TMCC1: variants seen among roughly 807,000 people sequenced by gnomAD.
TMCC1 encodes the protein transmembrane and coiled-coil domains protein 1.
A neutral mutation model predicts 52.4 loss-of-function variants in TMCC1; 15 were observed. The ratio of observed to expected loss-of-function variants is 0.29; its 90% CI spans 0.19 to 0.44. TMCC1 has a LOEUF of 0.44. TMCC1 is among the 20% of genes least tolerant of loss of function. The pLI is 1.00. For missense variants in TMCC1, 503 were observed against 806.0 expected (o/e 0.62, Z 4.55); for synonymous variants, 279 against 301.9 (o/e 0.92, Z 0.79).
chr3:129,669,419 T>A (rs988633670), intron 5 of TMCC1, among the ~76,000 whole-genome samples: 12 of 152,048 alleles, frequency 7.9e-5, no homozygotes, highest in Admixed American at 2.0e-4. Flanking sequence ...AAAGTTTGGA[T>A]GTATCCTTAG....
chr3:129,729,118 G>T (rs2050343828), intron 4 of TMCC1, among the ~76,000 whole-genome samples: 1 of 151,744 alleles, frequency 6.6e-6, no homozygotes, highest in African/African-American at 2.4e-5. Flanking sequence ...TTCAGAGTAT[G>T]TTTAACTTAA....
rs1212006786 is a variant in TMCC1 at position 129,651,135 on chromosome 3, T to C, written c.*346A>G. On this transcript the variant is annotated 3_prime_UTR_variant, in exon 7 of 7. Transcript: ENST00000393238. The surrounding 1 kb of genome is among the most constrained non-coding windows in gnomAD (Gnocchi z 5.1). ...TTTGCCCTCATCAGGTTTTCGCATC[T>C]TTTTAGTGGGTTTTAGTGCAGTCCT... The C allele has an allele frequency of 4.6e-6, 1 of 218,670 alleles. No homozygotes were observed. Among genetic ancestry groups the C allele is most frequent in the East Asian group, 1.1e-4 (1 of 9,308 alleles). 13.5% of individuals were successfully genotyped at this position (218,670 alleles called of 1,614,324 possible).
intron 4 of TMCC1, among the ~76,000 whole-genome samples, chr3:129,824,996 A>G (rs1216533489): frequency 6.6e-6 from 1 of 152,198 alleles, no homozygotes; most frequent in East Asian, 1.9e-4. Context: ...ATCACTATTT[A>G]ATAGTCACTG....
chr3:129,890,183 G>C (rs923096901), intron 1 of TMCC1, among the ~76,000 whole-genome samples: 1 of 152,154 alleles, frequency 6.6e-6, no homozygotes, highest in Non-Finnish European at 1.5e-5. Flanking sequence ...TTAAATAGGA[G>C]ACATAATAGC....
rs148346765 is a variant in TMCC1 at position 129,757,305 on chromosome 3, T to C, written c.576+70498A>G. On this transcript the variant is annotated intron_variant, in intron 4 of 6. Coordinates refer to ENST00000393238, the MANE Select transcript of TMCC1 (RefSeq NM_001017395.5). ...TCTCTCTTACTCCCCTATCCTCTGG[T>C]TGAGCTCCCTGCCACCTCCAGTCTT... is the stretch of plus-strand genomic sequence containing the variant. Among the ~76,000 whole-genome samples, 60 of 152,220 alleles carry C rather than the reference T, an allele frequency of 3.9e-4. No homozygotes were observed. In the Middle Eastern group the frequency reaches 0.014, roughly 35 times the overall value.
chr3:129,679,663 C>T (rs748193456), intron 4 of TMCC1, among the ~76,000 whole-genome samples: 4 of 152,040 alleles, frequency 2.6e-5, no homozygotes, highest in Non-Finnish European at 4.4e-5. Context: ...TCTTTCTTGA[C>T]TTCATTTTTC....
chr3:129,745,329 C>T (rs986233159), intron 4 of TMCC1, among the ~76,000 whole-genome samples: 7 of 152,252 alleles, frequency 4.6e-5, no homozygotes, highest in African/African-American at 1.7e-4. Context: ...TGTACACCTT[C>T]TCTTGTGAGC....
chr3:129,717,634 G>A (rs763426775), intron 4 of TMCC1, among the ~76,000 whole-genome samples: 99 of 152,316 alleles, frequency 6.5e-4, no homozygotes, highest in Admixed American at 2.7e-3. Context: ...TCTTCCAGCT[G>A]TTTAGGTTAA....
At chr3:129,831,715 T>C (rs2058924322) in intron 3 of TMCC1, among the ~76,000 whole-genome samples, 1 of 152,304 alleles carries the variant, frequency 6.6e-6, no homozygotes, top group African/African-American at 2.4e-5. Context: ...TCTATAAAAT[T>C]GCTGACAGTA....
At chr3:129,778,572 T>C (rs2055230612) in intron 4 of TMCC1, among the ~76,000 whole-genome samples, 1 of 151,952 alleles carries the variant, frequency 6.6e-6, no homozygotes, top group South Asian at 2.1e-4. Flanking sequence ...GGTGATATGG[T>C]CTGGCTGTGT....
At chr3:129,780,764 A>G (rs1388426695) in intron 4 of TMCC1, among the ~76,000 whole-genome samples, 1 of 152,028 alleles carries the variant, frequency 6.6e-6, no homozygotes, top group Non-Finnish European at 1.5e-5. Context: ...AATAACTAGT[A>G]TCTTCCTCTT....
chr3:129,688,294 T>C (rs1252648627), intron 4 of TMCC1: 2 of 985,244 alleles, frequency 2.0e-6, no homozygotes, highest in Non-Finnish European at 2.4e-6. Flanking sequence ...CTCTCTTGGC[T>C]ATAAGCTCTT....
chr3:129,754,478 C>T (rs1261360072), intron 4 of TMCC1, among the ~76,000 whole-genome samples: 2 of 152,102 alleles, frequency 1.3e-5, no homozygotes, highest in African/African-American at 4.8e-5. Context: ...CTTACTACAA[C>T]AATCAATACA....
chr3:129,733,591 G>A (rs913253986), intron 4 of TMCC1, among the ~76,000 whole-genome samples: 10 of 152,120 alleles, frequency 6.6e-5, no homozygotes, highest in East Asian at 3.8e-4. Context: ...AGGGAACAAC[G>A]AGGAAAAATT....
intron 4 of TMCC1, among the ~76,000 whole-genome samples, chr3:129,694,755 T>C (rs182863407): frequency 1.0e-3 from 159 of 152,318 alleles, no homozygotes; most frequent in African/African-American, 3.4e-3. Flanking sequence ...TTGTTTAGCA[T>C]ATAATCAAGA....
intron 4 of TMCC1, among the ~76,000 whole-genome samples, chr3:129,777,708 T>G (rs1201680763): frequency 6.6e-6 from 1 of 152,250 alleles, no homozygotes; most frequent in East Asian, 1.9e-4. Context: ...TTGTGTGCTT[T>G]TATTTTATTA....
At position 129,651,702 on chromosome 3, in the gene TMCC1, T is replaced by C; in HGVS notation, c.1741A>G (p.Thr581Ala). The C allele has an allele frequency of 6.2e-7, 1 of 1,614,218 alleles. No individual in the cohort carries two copies. The highest frequency in any genetic ancestry group is 1.3e-5 in the African/African-American group (1 of 75,046). Reference protein sequence around the residue: ...VVQLEGLENATARNLLGKLIN... With the variant: ...VVQLEGLENAAARNLLGKLIN... ...AGTTTGCCCAGAAGGTTCCGGGCAG[T>C]GGCATTCTCCAGCCCTTCTAGCTGC... is the stretch of plus-strand genomic sequence containing the variant. Residue 581 changes from threonine (T) to alanine (A), a missense_variant, in exon 7 of 7, where the codon ACT becomes GCT. Coordinates refer to ENST00000393238, the MANE Select transcript of TMCC1 (RefSeq NM_001017395.5). This position sits in a 1 kb window ranked among gnomAD's most constrained non-coding sequence, Gnocchi z 5.1.
At chr3:129,795,455 G>A (rs567593056) in intron 4 of TMCC1, among the ~76,000 whole-genome samples, 70 of 16,002 alleles carry the variant, frequency 4.4e-3, no homozygotes, top group African/African-American at 9.6e-3. Flanking sequence ...GAACTCATTC[G>A]TATATTTTTT....
chr3:129,843,668 C>CA (rs968295847), intron 2 of TMCC1, among the ~76,000 whole-genome samples: 103 of 151,736 alleles, frequency 6.8e-4, no homozygotes, highest in African/African-American at 2.3e-3. Context: ...ACATGAACTA[C>CA]AAAAAATATA....
Sources: allele counts gnomAD v4.1 joint callset (sites outside exome capture counted in the v4.1 genomes callset), GRCh38; gene constraint gnomAD v4.1.1; non-coding constraint Gnocchi (gnomAD v3.1); transcripts MANE v1.5; gene names NCBI Gene and HGNC (gene_info 2026-07-23, HGNC 2026-07-21).